Variants in GRHL1 observed in about 807,000 individuals in gnomAD.
GRHL1 encodes grainyhead-like protein 1 homolog.
Under a neutral mutation model 75.7 loss-of-function variants are expected in GRHL1, and 38 were observed. The observed-to-expected ratio is 0.50, with a 90% CI of 0.39 to 0.66. The LOEUF (loss-of-function observed/expected upper bound fraction) is 0.66. Ranked by LOEUF, GRHL1 falls within the 30% of genes least tolerant of loss-of-function variation. GRHL1 has a pLI of 0.00. For missense variants in GRHL1, 589 were observed against 767.5 expected (o/e 0.77, Z 2.75); for synonymous variants, 266 against 279.4 (o/e 0.95, Z 0.48).
At chr2:9,958,591 A>C (rs1458012384) in intron 2 of GRHL1, among the ~76,000 whole-genome samples, 195 bp from the exon 3 acceptor site, 1 of 152,130 alleles carries the variant, frequency 6.6e-6, no homozygotes, top group Non-Finnish European at 1.5e-5. Context: ...TTACATATCA[A>C]CCAGATGGGT....
At position 9,988,895 on chromosome 2, in the gene GRHL1, A is replaced by T. The variant is rs142156927; in HGVS notation, c.1270-1801A>T. On this transcript the variant is annotated intron_variant, in intron 9 of 15. Coordinates refer to ENST00000324907, the MANE Select transcript of GRHL1 (RefSeq NM_198182.3). ...GAAATACCTTATTCTTTATAGATAC[A>T]CAGATAAATAAGGAGGGACAGTCCT... 7.4e-4 allele frequency among the ~76,000 whole-genome samples: 113 copies of T among 152,202 alleles called. No homozygotes were observed. In the East Asian group the frequency reaches 0.018, roughly 24 times the overall value.
Position 9,968,920 on chromosome 2 carries a change from C to G in GRHL1, c.1110+3539C>G, listed in dbSNP as rs1406052482. Among the ~76,000 whole-genome samples, 4 of 152,192 alleles carry G rather than the reference C, an allele frequency of 2.6e-5. No homozygotes were observed. Among genetic ancestry groups the G allele is most frequent in the Non-Finnish European group, 5.9e-5 (4 of 68,036 alleles). On this transcript the variant is annotated intron_variant, in intron 8 of 15. Transcript: ENST00000324907. The surrounding 1 kb of genome is among the most constrained non-coding windows in gnomAD (Gnocchi z 4.7). ...GCATAAGTGTCCCCATTTGTGGGGACAGCCTGAGATCTTAAATATGACATC... is the reference window on the plus strand; with the variant it reads ...GCATAAGTGTCCCCATTTGTGGGGAGAGCCTGAGATCTTAAATATGACATC...
chr2:9,965,212 A>G (rs928040844), intron 7 of GRHL1, 75 bp from the exon 8 acceptor site: 1 of 760,774 alleles, frequency 1.3e-6, no homozygotes, highest in South Asian at 1.5e-5. Flanking sequence ...ACTAGATCTT[A>G]TTTTGAACTG....
intron 8 of GRHL1, among the ~76,000 whole-genome samples, chr2:9,985,230 T>G (rs984851186): frequency 4.6e-5 from 7 of 152,240 alleles, no homozygotes; most frequent in African/African-American, 1.7e-4. Flanking sequence ...GGAATTGGAT[T>G]CTTCGTTTCT....
intron 14 of GRHL1, among the ~76,000 whole-genome samples, chr2:9,997,476 C>G (rs1668915893): frequency 7.2e-5 from 11 of 152,050 alleles, no homozygotes; most frequent in Admixed American, 7.2e-4. Context: ...CTAGGATGTC[C>G]CCTGGGTTTC....
intron 8 of GRHL1, among the ~76,000 whole-genome samples, chr2:9,971,150 G>T (rs1667706527): frequency 1.3e-5 from 2 of 152,240 alleles, no homozygotes; most frequent in South Asian, 4.1e-4. Context: ...AATTCATTAT[G>T]AGAATAATTT....
intron 7 of GRHL1, chr2:9,964,749 C>G: frequency 5.7e-6 from 1 of 175,448 alleles, no homozygotes; most frequent in South Asian, 1.4e-4. Flanking sequence ...GCCTAACAGT[C>G]TTCCCTAGTC....
rs886197758 is a variant in GRHL1, at chr2:9,990,335, G to T, written c.1270-361G>T. ...CTGGCTAATTTTTGTATTTTTAGTA[G>T]AGGTGGGGTTTCACCATGTTGGCCA... On this transcript the variant is annotated intron_variant, in intron 9 of 15. Coordinates refer to ENST00000324907, the MANE Select transcript of GRHL1 (RefSeq NM_198182.3). This position sits in a 1 kb window ranked among gnomAD's most constrained non-coding sequence, Gnocchi z 4.2. 2.6e-5 allele frequency among the ~76,000 whole-genome samples: 4 copies of T among 151,950 alleles called. No homozygotes were observed. The highest frequency in any genetic ancestry group is 9.7e-5 in the African/African-American group (4 of 41,364).
rs1667561790 is a variant in GRHL1, at chr2:9,968,061, A to G, written c.1110+2680A>G. Among the ~76,000 whole-genome samples the G allele has an allele frequency of 6.6e-6, 1 of 152,216 alleles. No individual in the cohort carries two copies. The highest frequency in any genetic ancestry group is 2.1e-4 in the South Asian group (1 of 4,830). ...CCCTTTTGGCCATGCCAGGATGAGT[A>G]AAACTGAAAATCTGTCAACATCTGA... On this transcript the variant is annotated intron_variant, in intron 8 of 15. Transcript: ENST00000324907. The surrounding 1 kb of genome is among the most constrained non-coding windows in gnomAD (Gnocchi z 4.7).
At position 9,961,467 on chromosome 2, in the gene GRHL1, C is replaced by T. The variant is rs1359617478; in HGVS notation, c.669+31C>T. ...GAAACAAAAACATCTTCCTAAGACG[C>T]CTGCGTGTTTGTATAAGTATTGGGT... On this transcript the variant is annotated intron_variant, in intron 4 of 15. Coordinates refer to ENST00000324907, the MANE Select transcript of GRHL1 (RefSeq NM_198182.3). The T allele has an allele frequency of 4.5e-6, 7 of 1,566,412 alleles. No individual in the cohort carries two copies. In the South Asian group the frequency reaches 4.7e-5, roughly 10 times the overall value.
chr2:9,973,118 C>G (rs1667803165), intron 8 of GRHL1, among the ~76,000 whole-genome samples: 1 of 152,148 alleles, frequency 6.6e-6, no homozygotes, highest in South Asian at 2.1e-4. Context: ...TTTTCTTTTC[C>G]CTTGATGGTG....
intron 5 of GRHL1, 42 bp from the exon 6 acceptor site, chr2:9,963,844 C>T (rs41264183): frequency 0.023 from 32,799 of 1,448,220 alleles, 452 homozygotes; most frequent in African/African-American, 0.03. Flanking sequence ...CAAGCTTCCA[C>T]GAGAGTAGAT....
intron 12 of GRHL1, among the ~76,000 whole-genome samples, chr2:9,995,586 CA>C (rs368168163): frequency 4.7e-4 from 51 of 107,910 alleles, no homozygotes; most frequent in Non-Finnish European, 4.1e-4. Flanking sequence ...CCCTGTCTCA[CA>C]AAAAAAAAAA....
rs970311745 is a variant in GRHL1 at position 9,995,877 on chromosome 2, A to C, written c.1500-2A>C. 4 of 1,594,084 alleles carry C rather than the reference A, an allele frequency of 2.5e-6. No homozygotes were observed. Among genetic ancestry groups the C allele is most frequent in the Non-Finnish European group, 2.6e-6 (3 of 1,161,930 alleles). The stretch of plus-strand genomic sequence containing the variant: ...CTAACGGCATATTTTGGATCACTGC[A>C]GCTCTGTCTTGAAAAGGGGGCCGTA... On this transcript the variant is annotated splice_acceptor_variant, in intron 12 of 15. Coordinates refer to ENST00000324907, the MANE Select transcript of GRHL1 (RefSeq NM_198182.3). LOFTEE classifies it high-confidence loss of function.
intron 9 of GRHL1, among the ~76,000 whole-genome samples, chr2:9,986,887 T>C (rs1053712992): frequency 2.0e-5 from 3 of 152,174 alleles, no homozygotes; most frequent in African/African-American, 7.2e-5. Flanking sequence ...TTAATTTTCT[T>C]GTGGAGATGG....
intron 9 of GRHL1, among the ~76,000 whole-genome samples, chr2:9,988,177 T>C (rs1668501942): frequency 6.6e-6 from 1 of 152,180 alleles, no homozygotes; most frequent in Non-Finnish European, 1.5e-5. Context: ...TGAAATCTGG[T>C]TAAGTTGCTC....
At chr2:9,984,138 G>T (rs552914448) in intron 8 of GRHL1, among the ~76,000 whole-genome samples, 1 of 151,888 alleles carries the variant, frequency 6.6e-6, no homozygotes, top group African/African-American at 2.4e-5. Flanking sequence ...CTCCAGCCTG[G>T]GCAACAAGAG....
Position 9,990,580 on chromosome 2 carries a change from G to A in GRHL1, c.1270-116G>A, listed in dbSNP as rs532502520. The A allele has an allele frequency of 3.9e-6, 2 of 515,988 alleles. No homozygotes were observed. The highest frequency in any genetic ancestry group is 6.2e-5 in the East Asian group (2 of 32,078). The allele number at this position is 515,988 out of a possible 1,614,324, so 32.0% of individuals were successfully genotyped here. On this transcript the variant is annotated intron_variant, in intron 9 of 15. Transcript: ENST00000324907. The surrounding 1 kb of genome is among the most constrained non-coding windows in gnomAD (Gnocchi z 4.2). ...AGCCTCATGAATATAGTAAGTAATG[G>A]GGTTCCTGTCCAGAGAAGGGAGAAA... is the stretch of plus-strand genomic sequence containing the variant.
At position 9,986,187 on chromosome 2, in the gene GRHL1, C is replaced by G; in HGVS notation, c.1174C>G (p.Pro392Ala). 6.2e-7 allele frequency: 1 copy of G among 1,613,528 alleles called. No homozygotes were observed. The highest frequency in any genetic ancestry group is 8.5e-7 in the Non-Finnish European group (1 of 1,179,624). The change falls in exon 9 of 16, where the codon CCT becomes GCT. Residue 392 changes from proline to alanine, a missense_variant. Pro to Ala is a conservative substitution (Grantham distance 27). Coordinates refer to ENST00000324907, the MANE Select transcript of GRHL1 (RefSeq NM_198182.3). The stretch of plus-strand genomic sequence containing the variant: ...TTCCCAGAAGGGAGTGAAGGGGTTG[C>G]CTCTTAACATTCAAGTTGATACCTA... Reference protein sequence around the residue: ...FSSQKGVKGLPLNIQVDTYSY... With the variant: ...FSSQKGVKGLALNIQVDTYSY...
Sources: gnomAD v4.1 joint callset for allele counts (sites outside exome capture counted in the v4.1 genomes callset) on GRCh38, gnomAD v4.1.1 for gene constraint, Gnocchi (gnomAD v3.1) non-coding constraint, MANE v1.5 for transcripts, NCBI Gene and HGNC (gene_info 2026-07-23, HGNC 2026-07-21) for gene names.